PLB1: variants seen among roughly 807,000 people sequenced by gnomAD.
PLB1 encodes the protein phospholipase B1, membrane-associated.
Under a neutral mutation model 227.4 loss-of-function variants are expected in PLB1, and 242 were observed. That is an observed-to-expected ratio of 1.06 (90% CI 0.96 to 1.18). PLB1 has a LOEUF of 1.18. Ranked by LOEUF, PLB1 falls within the 50% of genes most tolerant of loss-of-function variation. PLB1 has a pLI of 0.00. For synonymous variants in PLB1, 757 were observed against 682.2 expected, an observed-to-expected ratio of 1.11 and a Z score of -1.71; for missense variants, 1,858 against 1,816.3, an observed-to-expected ratio of 1.02 and a Z score of -0.42.
At chr2:28,549,087 A>G (rs1399250266) in intron 15 of PLB1, among the ~76,000 whole-genome samples, 156 bp downstream of exon 15, 1 of 152,118 alleles carries the variant, frequency 6.6e-6, no homozygotes, top group East Asian at 1.9e-4. Flanking sequence ...TAGCAGCCCT[A>G]ATGTTTACAG....
At chr2:28,629,801 A>G (rs1688342361) in intron 53 of PLB1, among the ~76,000 whole-genome samples, 1 of 152,306 alleles carries the variant, frequency 6.6e-6, no homozygotes, top group African/African-American at 2.4e-5. Context: ...AAGAACTCCT[A>G]TCGGGGGCTG....
In PLB1 at chr2:28,505,246, G is replaced by A. The variant is rs577756152; in HGVS notation, c.55+9077G>A. Among the ~76,000 whole-genome samples the A allele has an allele frequency of 9.1e-4, 138 of 152,132 alleles. No individual in the cohort carries two copies. The Middle Eastern group carries it at 0.01, about 11-fold the overall frequency. ...AGGTCAGTCCTGAGCTTGGATCCAG[G>A]GCCAGCACCTTTCGCTACCTTACAG... On this transcript the variant is annotated intron_variant, in intron 1 of 57. Coordinates refer to ENST00000327757, the MANE Select transcript of PLB1 (RefSeq NM_153021.5).
At position 28,632,931 on chromosome 2, in the gene PLB1, C is replaced by T; in HGVS notation, c.4003-13C>T. The stretch of plus-strand genomic sequence containing the variant: ...CTTTCCCAGGATGATAACCTCCTTG[C>T]CGTTGGTTGCAGAGAGGGGACACTG... On this transcript the variant is annotated splice_polypyrimidine_tract_variant and intron_variant, in intron 55 of 57. Coordinates refer to ENST00000327757, the MANE Select transcript of PLB1 (RefSeq NM_153021.5). 6.3e-7 allele frequency: 1 copy of T among 1,596,696 alleles called. No individual in the cohort carries two copies. Among genetic ancestry groups the T allele is most frequent in the Non-Finnish European group, 8.5e-7 (1 of 1,173,390 alleles).
intron 3 of PLB1, among the ~76,000 whole-genome samples, chr2:28,518,909 C>T (rs1291094035): frequency 4.6e-5 from 7 of 152,118 alleles, no homozygotes; most frequent in Non-Finnish European, 7.4e-5. Context: ...CTTGAGTGGG[C>T]CTTCTTCCCT....
chr2:28,540,269 C>A lies in PLB1; in HGVS notation c.699-97C>A, dbSNP rs919687044. The A allele has an allele frequency of 3.2e-5, 31 of 967,672 alleles. No homozygotes were observed. In the African/African-American group the frequency reaches 4.7e-4, roughly 15 times the overall value. 59.9% of individuals were successfully genotyped at this position (967,672 alleles called of 1,614,324 possible). On this transcript the variant is annotated intron_variant, in intron 11 of 57. Coordinates refer to ENST00000327757, the MANE Select transcript of PLB1 (RefSeq NM_153021.5). ...CTTCATCCCTACTCCTTAAGCAACT[C>A]CTATGCCCCTTCTTCCATAAGAGGC...
rs754788131 is a variant in PLB1, at chr2:28,632,065, C to G, written c.3927C>G (p.His1309Gln). 6.2e-7 allele frequency: 1 copy of G among 1,614,106 alleles called. No individual in the cohort carries two copies. Among genetic ancestry groups the G allele is most frequent in the South Asian group, 1.1e-5 (1 of 91,084 alleles). ...GCATCTCCAGTTTCTCCTACTGGCA[C>G]CAATACACACAGCGTGAGGACTTTG... ...QHGISSFSYWHQYTQREDFAV... is the reference protein window; with the variant it reads ...QHGISSFSYWQQYTQREDFAV... Residue 1309 changes from histidine (H) to glutamine (Q), a missense_variant, in exon 55 of 58, where the codon CAC (histidine) becomes CAG (glutamine). By Grantham distance (24) the His-to-Gln change is conservative. Coordinates refer to ENST00000327757, the MANE Select transcript of PLB1 (RefSeq NM_153021.5).
Position 28,550,045 on chromosome 2 carries a change from C to T in PLB1, c.1044C>T (p.Asn348=). The change falls in exon 16 of 58, where the codon AAC becomes AAT. Residue 348 remains asparagine (N), a synonymous_variant. Coordinates refer to ENST00000327757, the MANE Select transcript of PLB1 (RefSeq NM_153021.5). ...SPYLFSYRNS[N]YLTRLQKPQD... ...ATCTGTTCAGCTACAGAAACAGCAA[C>T]TACCTGACCAGACTGCAGAAACCCC... 6.2e-7 allele frequency: 1 copy of T among 1,613,618 alleles called. No individual in the cohort carries two copies. The highest frequency in any genetic ancestry group is 8.5e-7 in the Non-Finnish European group (1 of 1,179,604).
chr2:28,565,235 A>C (rs562456881), intron 18 of PLB1, 45 bp from the exon 19 acceptor site: 2 of 1,549,646 alleles, frequency 1.3e-6, no homozygotes, highest in Admixed American at 3.6e-5. Context: ...GAGGTGGGCC[A>C]CTGGGGAAAG....
chr2:28,627,460 T>C (rs768196216), intron 51 of PLB1, among the ~76,000 whole-genome samples: 2 of 152,140 alleles, frequency 1.3e-5, no homozygotes, highest in East Asian at 3.9e-4. Context: ...TCCGAGAGCG[T>C]AGTTTAGTTG....
chr2:28,568,382 T>C (rs557980508), intron 20 of PLB1, among the ~76,000 whole-genome samples: 2 of 152,346 alleles, frequency 1.3e-5, no homozygotes, highest in African/African-American at 4.8e-5. Context: ...TGAGACAATG[T>C]TACCCCACAG....
chr2:28,521,037 T>TA (rs1285578390), intron 4 of PLB1, among the ~76,000 whole-genome samples: 1 of 152,126 alleles, frequency 6.6e-6, no homozygotes, highest in Non-Finnish European at 1.5e-5. Flanking sequence ...AATCATACAG[T>TA]ATTTGTCTTT....
intron 51 of PLB1, among the ~76,000 whole-genome samples, chr2:28,626,759 G>T (rs756587273): frequency 2.0e-5 from 3 of 152,242 alleles, no homozygotes; most frequent in Non-Finnish European, 2.9e-5. Flanking sequence ...TGGACCCACT[G>T]TAGGCACTGC....
chr2:28,545,545 T>A (rs930835456), intron 14 of PLB1, among the ~76,000 whole-genome samples: 7 of 152,114 alleles, frequency 4.6e-5, no homozygotes, highest in Admixed American at 4.6e-4. Flanking sequence ...TTCGGTGGTT[T>A]CTTGAGGCAA....
intron 17 of PLB1, among the ~76,000 whole-genome samples, chr2:28,562,540 C>CAAAAAAAAAAAA (rs60393903): frequency 0.044 from 1,874 of 42,514 alleles, 587 homozygotes; most frequent in East Asian, 0.084. Flanking sequence ...GACTCTGTCT[C>CAAAAAAAAAAAA]AAAAAAAAAA....
intron 17 of PLB1, among the ~76,000 whole-genome samples, chr2:28,553,729 T>G (rs1298562323): frequency 6.6e-6 from 1 of 152,236 alleles, no homozygotes. Flanking sequence ...ATTTATTTGT[T>G]CGTTTATTTA....
At chr2:28,578,953 G>A (rs879790260) in intron 22 of PLB1, among the ~76,000 whole-genome samples, 9 of 152,072 alleles carry the variant, frequency 5.9e-5, no homozygotes, top group Non-Finnish European at 8.8e-5. Context: ...TTGCAGGGCC[G>A]TGGCTGCCCT....
chr2:28,613,945 AC>A, intron 43 of PLB1, 85 bp from the exon 44 acceptor site: 1 of 1,050,122 alleles, frequency 9.5e-7, no homozygotes, highest in South Asian at 1.3e-5. Flanking sequence ...AAATAAATCT[AC>A]AGGGCAGGAT....
At chr2:28,513,816 G>T (rs1219866221) in intron 1 of PLB1, among the ~76,000 whole-genome samples, 1 of 152,136 alleles carries the variant, frequency 6.6e-6, no homozygotes, top group African/African-American at 2.4e-5. Context: ...CCTCTTTTGA[G>T]CCCTATTAAA....
chr2:28,567,429 A>C (rs1480487563), intron 20 of PLB1, among the ~76,000 whole-genome samples: 1 of 149,222 alleles, frequency 6.7e-6, no homozygotes, highest in African/African-American at 2.5e-5. Flanking sequence ...CACTTTCCTT[A>C]ATTTACTTTC....
Sources: allele counts gnomAD v4.1 joint callset (sites outside exome capture counted in the v4.1 genomes callset), GRCh38; gene constraint gnomAD v4.1.1; transcripts MANE v1.5; gene names NCBI Gene and HGNC (gene_info 2026-07-23, HGNC 2026-07-21).